The following MGA variants were observed in gnomAD, a reference collection of about 807,000 sequenced individuals.
MGA encodes MAX gene-associated protein.
MGA carries 40 observed loss-of-function variants against 261.1 expected under a neutral mutation model. The ratio of observed to expected loss-of-function variants is 0.15; its 90% CI spans 0.12 to 0.20. MGA has a LOEUF of 0.20. Among genes scored for constraint, MGA ranks in the 10% least tolerant of loss-of-function variants. The pLI is 1.00. For missense variants in MGA, 3,397 were observed against 3,630.5 expected, an observed-to-expected ratio of 0.94 and a Z score of 1.65; for synonymous variants, 1,302 against 1,290.6, an observed-to-expected ratio of 1.01 and a Z score of -0.19.
chr15:41,754,604 G>A, intron 18 of MGA, 37 bp downstream of exon 18: 1 of 1,506,476 alleles, frequency 6.6e-7, no homozygotes, highest in Non-Finnish European at 8.9e-7. Flanking sequence ...TGTTTTTGTA[G>A]TTTTGTAACC....
intron 9 of MGA, among the ~76,000 whole-genome samples, chr15:41,714,098 A>G (rs2060512038): frequency 6.6e-6 from 1 of 152,192 alleles, no homozygotes; most frequent in African/African-American, 2.4e-5. Flanking sequence ...ATGTATTGAA[A>G]TGATTTTACC....
chr15:41,699,103 T>C lies in MGA; in HGVS notation c.2132T>C (p.Ile711Thr). The change falls in exon 5 of 24, where the codon ATA becomes ACA. Residue 711 changes from isoleucine (I) to threonine (T), a missense_variant. Physicochemically the swap from Ile to Thr is moderately conservative, Grantham distance 89. Transcript: ENST00000219905. Reference sequence around the variant, plus strand: ...ATTTCCCAGTTGGAAAAGGAATTGATAGAAGATTTGAAGACTTTGCGGCAC... The same window carrying C: ...ATTTCCCAGTTGGAAAAGGAATTGACAGAAGATTTGAAGACTTTGCGGCAC... The C allele has an allele frequency of 6.2e-7, 1 of 1,612,906 alleles. No individual in the cohort carries two copies. The highest frequency in any genetic ancestry group is 1.3e-5 in the African/African-American group (1 of 75,060).
At chr15:41,622,097 C>T (rs1322285264) in intron 1 of MGA, among the ~76,000 whole-genome samples, 2 of 152,254 alleles carry the variant, frequency 1.3e-5, no homozygotes, top group South Asian at 2.1e-4. Flanking sequence ...TGTGGTTTTC[C>T]AGCGTCTTTG....
chr15:41,757,908 A>G (rs567922031), intron 19 of MGA, 69 bp downstream of exon 19: 29 of 1,389,708 alleles, frequency 2.1e-5, no homozygotes, highest in Non-Finnish European at 2.9e-5. Flanking sequence ...TAGGGTTGAA[A>G]CAACATTAGC....
At chr15:41,689,975 C>T (rs1053446204) in intron 2 of MGA, among the ~76,000 whole-genome samples, 1 of 152,170 alleles carries the variant, frequency 6.6e-6, no homozygotes, top group Admixed American at 6.5e-5. Context: ...GTGTAGAGTT[C>T]AATGGTTTTT....
In MGA at chr15:41,766,021, A is replaced by G. The variant is rs749625488; in HGVS notation, c.7939A>G (p.Met2647Val). 6.9e-5 allele frequency: 111 copies of G among 1,602,308 alleles called. No homozygotes were observed. The highest frequency in any genetic ancestry group is 9.3e-5 in the Non-Finnish European group (109 of 1,174,586). The change falls in exon 24 of 24, where the codon ATG becomes GTG. Residue 2647 changes from methionine to valine, a missense_variant. Physicochemically the swap from Met to Val is conservative, Grantham distance 21. Around this residue, in one of 9 missense-constraint regions of MGA, gnomAD observed 647 missense variants for 642.4 expected, o/e 1.01. Transcript: ENST00000219905. ...TTTTTCAGAAAATGACGACTTATTT[A>G]TGATGCCACGAATTGTTAATGTGAC...
chr15:41,754,111 G>T (rs2063007091), intron 17 of MGA, among the ~76,000 whole-genome samples: 1 of 151,990 alleles, frequency 6.6e-6, no homozygotes. Flanking sequence ...TAGAGACAGG[G>T]TTTTGCCATG....
intron 1 of MGA, among the ~76,000 whole-genome samples, chr15:41,650,338 TC>T (rs2057017069): frequency 6.6e-6 from 1 of 152,226 alleles, no homozygotes; most frequent in Non-Finnish European, 1.5e-5. Context: ...TGCCCTTCCT[TC>T]CCTTGTGTGC....
intron 3 of MGA, among the ~76,000 whole-genome samples, chr15:41,697,421 T>TC (rs1178718135): frequency 1.3e-5 from 2 of 148,772 alleles, no homozygotes; most frequent in Non-Finnish European, 3.0e-5. Flanking sequence ...TTCTTTTCTT[T>TC]TTTTTTTTTT....
At position 41,736,530 on chromosome 15, in the gene MGA, C is replaced by T. The variant is rs953983432; in HGVS notation, c.4266C>T (p.Ser1422=). 1 of 1,613,906 alleles carries T rather than the reference C, an allele frequency of 6.2e-7. No homozygotes were observed. Among genetic ancestry groups the T allele is most frequent in the Non-Finnish European group, 8.5e-7 (1 of 1,179,884 alleles). Residue 1422 remains serine (S), a synonymous_variant, in exon 13 of 24, where the codon TCC becomes TCT. Coordinates refer to ENST00000219905, the MANE Select transcript of MGA (RefSeq NM_001164273.2). The stretch of plus-strand genomic sequence containing the variant: ...CAGAGACTCCTGATGGTCCATTGTC[C>T]CCTGGGAAAATGGAGGATATCTCTC...
intron 11 of MGA, among the ~76,000 whole-genome samples, chr15:41,729,829 T>A (rs1429420733): frequency 6.6e-6 from 1 of 152,182 alleles, no homozygotes; most frequent in South Asian, 2.1e-4. Flanking sequence ...AGTGAGACTC[T>A]GTTTCAAAAA....
chr15:41,634,070 G>A (rs1431808310), intron 1 of MGA, among the ~76,000 whole-genome samples: 1 of 152,072 alleles, frequency 6.6e-6, no homozygotes, highest in East Asian at 1.9e-4. Flanking sequence ...TGATTTGAAT[G>A]CCTTGGTTCC....
At chr15:41,704,213 A>C (rs891802514) in intron 5 of MGA, among the ~76,000 whole-genome samples, 1 of 152,050 alleles carries the variant, frequency 6.6e-6, no homozygotes, top group African/African-American at 2.4e-5. Context: ...ATTTTTCCTT[A>C]AAATATTTTT....
In MGA at chr15:41,749,667, T is replaced by C. The variant is rs1567081132; in HGVS notation, c.6060T>C (p.Thr2020=). 1 of 1,613,946 alleles carries C rather than the reference T, an allele frequency of 6.2e-7. No individual in the cohort carries two copies. Among genetic ancestry groups the C allele is most frequent in the Non-Finnish European group, 8.5e-7 (1 of 1,179,886 alleles). The stretch of plus-strand genomic sequence containing the variant: ...CAGGAGCTGCTACCTCAGAAGAAAC[T>C]CTGAATGATTCCTTGGAAGATAGGG... The change falls in exon 17 of 24, where the codon ACT becomes ACC. Residue 2020 remains threonine (T), a synonymous_variant. Coordinates refer to ENST00000219905, the MANE Select transcript of MGA (RefSeq NM_001164273.2).
chr15:41,749,572 G>A lies in MGA; in HGVS notation c.5965G>A (p.Glu1989Lys). ...AACAAACTCAATAAAAAGAGAGCAA[G>A]AAACGAAGAAGGTTCTACAGTCAGA... The change falls in exon 17 of 24, where the codon GAA becomes AAA. Residue 1989 changes from glutamate (E) to lysine (K), a missense_variant. Transcript: ENST00000219905. 5 of 1,613,926 alleles carry A rather than the reference G, an allele frequency of 3.1e-6. No individual in the cohort carries two copies. The highest frequency in any genetic ancestry group is 4.2e-6 in the Non-Finnish European group (5 of 1,179,882).
At chr15:41,722,239 C>T (rs1240403480) in intron 9 of MGA, among the ~76,000 whole-genome samples, 1 of 150,608 alleles carries the variant, frequency 6.6e-6, no homozygotes, top group African/African-American at 2.4e-5. Context: ...ACACCATTCT[C>T]CTGCCTCAGC....
intron 15 of MGA, among the ~76,000 whole-genome samples, chr15:41,747,451 C>A (rs918548354): frequency 6.6e-6 from 1 of 151,814 alleles, no homozygotes; most frequent in East Asian, 1.9e-4. Context: ...CATAAGAGGC[C>A]AGGCACATTG....
At chr15:41,719,018 C>A (rs183016120) in intron 9 of MGA, among the ~76,000 whole-genome samples, 38 of 152,152 alleles carry the variant, frequency 2.5e-4, no homozygotes, top group Non-Finnish European at 5.4e-4. Context: ...ACAAAATAAG[C>A]TACTAGAACT....
chr15:41,730,351 A>C (rs2061448113), intron 11 of MGA, among the ~76,000 whole-genome samples: 1 of 151,906 alleles, frequency 6.6e-6, no homozygotes, highest in Non-Finnish European at 1.5e-5. Flanking sequence ...AGGCAGGAGA[A>C]TCCCTTGAAC....
Sources: gnomAD v4.1 joint callset for allele counts (sites outside exome capture counted in the v4.1 genomes callset) on GRCh38, gnomAD v4.1.1 for gene constraint, gnomAD v4.1.1 regional missense constraint, MANE v1.5 for transcripts, NCBI Gene and HGNC (gene_info 2026-07-23, HGNC 2026-07-21) for gene names.